PHACTR1: variants seen among roughly 807,000 people sequenced by gnomAD.
PHACTR1 encodes the protein RPEL repeat containing 1.
Under a neutral mutation model 69.2 loss-of-function variants are expected in PHACTR1, and 16 were observed. The observed-to-expected ratio is 0.23, with a 90% confidence interval of 0.16 to 0.35. The LOEUF (loss-of-function observed/expected upper bound fraction) is 0.35. Ranked by LOEUF, PHACTR1 falls within the 10% of genes least tolerant of loss-of-function variation. PHACTR1 has a pLI of 1.00. For missense variants in PHACTR1, 510 were observed against 734.7 expected, an observed-to-expected ratio of 0.69 and a Z score of 3.54; for synonymous variants, 312 against 284.5, an observed-to-expected ratio of 1.10 and a Z score of -0.97.
At chr6:13,255,840 G>A (rs1244115888) in intron 10 of PHACTR1, among the ~76,000 whole-genome samples, 3 of 152,206 alleles carry the variant, frequency 2.0e-5, no homozygotes, top group Non-Finnish European at 4.4e-5. Flanking sequence ...CTGATGTTGA[G>A]TGCCTGTGGC....
At chr6:12,984,781 TAAGG>T (rs10587494) in intron 4 of PHACTR1, among the ~76,000 whole-genome samples, 70,828 of 151,682 alleles carry the variant, frequency 0.47, 17,981 homozygotes, top group African/African-American at 0.67. Context: ...GTTTGTTTCA[TAAGG>T]AAAAAGCAAA....
intron 4 of PHACTR1, among the ~76,000 whole-genome samples, chr6:12,943,624 C>G (rs1203973336): frequency 2.6e-5 from 4 of 152,154 alleles, no homozygotes; most frequent in African/African-American, 9.7e-5. Context: ...CATTCTCTAT[C>G]CTCAAATAAT....
intron 4 of PHACTR1, among the ~76,000 whole-genome samples, chr6:13,043,316 A>G (rs1804484195): frequency 6.6e-6 from 1 of 152,144 alleles, no homozygotes; most frequent in Non-Finnish European, 1.5e-5. Flanking sequence ...AATCCCAGCT[A>G]CTTGGGAGGT....
intron 10 of PHACTR1, among the ~76,000 whole-genome samples, chr6:13,251,777 A>C (rs879698413): frequency 6.6e-6 from 1 of 151,900 alleles, no homozygotes; most frequent in Non-Finnish European, 1.5e-5. Context: ...GAATTAGTGA[A>C]AAATCATTTA....
In PHACTR1 at chr6:13,230,178, G is replaced by A; in HGVS notation, c.1376G>A (p.Gly459Asp). ...CGGCTGGAGCTGAGGCAACAGATTG[G>A]CACCAAGCTCACCAGGTAGGACAGC... is the stretch of plus-strand genomic sequence containing the variant. ...EERLELRQQIGTKLTRRLSQR... is the reference protein window; with the variant it reads ...EERLELRQQIDTKLTRRLSQR... Residue 459 changes from glycine (G) to aspartate (D), a missense_variant, in exon 10 of 15, where the codon GGC becomes GAC. Gly to Asp is a moderately conservative substitution (Grantham distance 94, BLOSUM62 -1). Transcript: ENST00000332995. The A allele has an allele frequency of 6.2e-7, 1 of 1,610,092 alleles. No homozygotes were observed.
intron 5 of PHACTR1, among the ~76,000 whole-genome samples, chr6:13,115,027 A>G (rs1325983316): frequency 6.6e-6 from 1 of 152,206 alleles, no homozygotes; most frequent in African/African-American, 2.4e-5. Context: ...TTAGTGACTG[A>G]TGCATAAAGC....
At chr6:13,099,262 C>T (rs1814761036) in intron 5 of PHACTR1, among the ~76,000 whole-genome samples, 2 of 152,254 alleles carry the variant, frequency 1.3e-5, no homozygotes, top group African/African-American at 4.8e-5. Flanking sequence ...GAACTTTTCT[C>T]CATTCACCAT....
chr6:12,776,968 G>T lies in PHACTR1; in HGVS notation c.250+27178G>T, dbSNP rs147808052. On this transcript the variant is annotated intron_variant, in intron 4 of 14. Coordinates refer to ENST00000332995, the MANE Select transcript of PHACTR1 (RefSeq NM_030948.6). ...TGAGTCAAAATAATAGTGGTGTATA[G>T]AAGGCTCCAACAGCAGTAATTTTCA... 2.4e-4 allele frequency among the ~76,000 whole-genome samples: 36 copies of T among 152,212 alleles called. No homozygotes were observed. In the East Asian group the frequency reaches 4.4e-3, roughly 19 times the overall value.
intron 4 of PHACTR1, among the ~76,000 whole-genome samples, chr6:13,018,560 C>G (rs1800506903): frequency 2.0e-5 from 3 of 152,222 alleles, no homozygotes; most frequent in Non-Finnish European, 4.4e-5. Context: ...TGGGCCTTTC[C>G]CCCTGCTATA....
chr6:13,122,733 T>G (rs900891125), intron 5 of PHACTR1, among the ~76,000 whole-genome samples: 2 of 152,230 alleles, frequency 1.3e-5, no homozygotes, highest in Non-Finnish European at 2.9e-5. Context: ...TTAGGTATAA[T>G]TCCCTTAGAG....
At chr6:12,731,830 T>C (rs1173033479) in intron 3 of PHACTR1, among the ~76,000 whole-genome samples, 1 of 152,180 alleles carries the variant, frequency 6.6e-6, no homozygotes, top group African/African-American at 2.4e-5. Flanking sequence ...AAGACATCCA[T>C]GTACGGGCAT....
intron 8 of PHACTR1, among the ~76,000 whole-genome samples, chr6:13,227,382 AAATT>A (rs1406381255): frequency 6.6e-6 from 1 of 152,204 alleles, no homozygotes; most frequent in Non-Finnish European, 1.5e-5. Flanking sequence ...CTTCACTATC[AAATT>A]AATCCTTTAC....
At chr6:12,827,570 A>G (rs2127721232) in intron 4 of PHACTR1, among the ~76,000 whole-genome samples, 1 of 152,366 alleles carries the variant, frequency 6.6e-6, no homozygotes, top group East Asian at 1.9e-4. Flanking sequence ...GTCAATAGAC[A>G]GAGTCAAGAG....
intron 5 of PHACTR1, among the ~76,000 whole-genome samples, chr6:13,123,166 A>T (rs1302571238): frequency 6.6e-6 from 1 of 152,238 alleles, no homozygotes; most frequent in African/African-American, 2.4e-5. Context: ...ATTTCACCTA[A>T]AGCCAGCTCA....
chr6:12,792,128 A>G (rs1271387372), intron 4 of PHACTR1, among the ~76,000 whole-genome samples: 1 of 152,198 alleles, frequency 6.6e-6, no homozygotes, highest in African/African-American at 2.4e-5. Flanking sequence ...TCATATGTAT[A>G]TGATTATATA....
At chr6:13,229,958 A>G in intron 9 of PHACTR1, 79 bp from the exon 10 acceptor site, 2 of 1,441,900 alleles carry the variant, frequency 1.4e-6, no homozygotes, top group Non-Finnish European at 9.2e-7. Flanking sequence ...CCTGCCTTGT[A>G]TCTTATGACC....
intron 4 of PHACTR1, among the ~76,000 whole-genome samples, chr6:12,807,552 T>G (rs2127688287): frequency 6.6e-6 from 1 of 152,332 alleles, no homozygotes; most frequent in Middle Eastern, 3.4e-3. Flanking sequence ...TGATCAGTGC[T>G]TATTTCAGAT....
chr6:13,218,850 AGG>A (rs1768105361), intron 8 of PHACTR1, among the ~76,000 whole-genome samples: 1 of 136,510 alleles, frequency 7.3e-6, no homozygotes. Context: ...GAGGAGGAGG[AGG>A]AAAGAGAAGA....
intron 3 of PHACTR1, among the ~76,000 whole-genome samples, chr6:12,732,530 C>A (rs1297048741): frequency 6.6e-6 from 1 of 152,044 alleles, no homozygotes; most frequent in East Asian, 1.9e-4. Flanking sequence ...CCTGTGTCCA[C>A]GTGTTCTCAT....
Sources: allele counts gnomAD v4.1 joint callset (sites outside exome capture counted in the v4.1 genomes callset), GRCh38; gene constraint gnomAD v4.1.1; transcripts MANE v1.5; gene names NCBI Gene and HGNC (gene_info 2026-07-23, HGNC 2026-07-21).